Variants in HELZ observed in about 807,000 individuals in gnomAD.
HELZ encodes ATP-dependent RNA helicase with zinc finger domain.
Under a neutral mutation model 218.2 loss-of-function variants are expected in HELZ, and 23 were observed. The ratio of observed to expected loss-of-function variants is 0.11; its 90% CI spans 0.08 to 0.15. The LOEUF is 0.15. HELZ is among the 10% of genes least tolerant of loss of function. The probability of loss-of-function intolerance (pLI) is 1.00; values close to 1 mark genes in which losing one functional copy is unlikely to be tolerated. For missense variants in HELZ, 1,813 were observed against 2,353.7 expected (o/e 0.77, Z 4.75); for synonymous variants, 814 against 829.4 (o/e 0.98, Z 0.32).
At chr17:67,117,582 C>T (rs1295619199) in intron 27 of HELZ, among the ~76,000 whole-genome samples, 2 of 148,190 alleles carry the variant, frequency 1.3e-5, no homozygotes, top group Admixed American at 1.3e-4. Context: ...CAGAGTCTTG[C>T]TCTGTCACCC....
chr17:67,188,648 C>T lies in HELZ; in HGVS notation c.865-32G>A. The stretch of plus-strand genomic sequence containing the variant: ...GGAAGTTAAAATAATTCATTGAGTA[C>T]AAGGGGGTGAAAAATCCAATTGTAA... On this transcript the variant is annotated intron_variant, in intron 11 of 32. Transcript: ENST00000358691. The surrounding 1 kb of genome is among the most constrained non-coding windows in gnomAD (Gnocchi z 4.1). 2 of 1,559,302 alleles carry T rather than the reference C, an allele frequency of 1.3e-6. No individual in the cohort carries two copies. Among genetic ancestry groups the T allele is most frequent in the Non-Finnish European group, 1.7e-6 (2 of 1,145,584 alleles).
chr17:67,121,022 G>A (rs7214528), intron 26 of HELZ, among the ~76,000 whole-genome samples: 12,977 of 152,146 alleles, frequency 0.085, 1,804 homozygotes, highest in African/African-American at 0.29. Context: ...TAGACAGGGG[G>A]AAAAGTTAAG....
chr17:67,120,188 T>G (rs2037562805), intron 27 of HELZ, among the ~76,000 whole-genome samples: 1 of 151,598 alleles, frequency 6.6e-6, no homozygotes, highest in South Asian at 2.1e-4. Flanking sequence ...GTATTTTTAG[T>G]AGAGATGGGA....
chr17:67,102,820 G>C (rs2036971052), intron 31 of HELZ, among the ~76,000 whole-genome samples: 1 of 152,112 alleles, frequency 6.6e-6, no homozygotes, highest in African/African-American at 2.4e-5. Context: ...AAATAAAACT[G>C]ACCAAATGTT....
chr17:67,141,821 G>T (rs1207577269), intron 21 of HELZ, among the ~76,000 whole-genome samples: 2 of 152,106 alleles, frequency 1.3e-5, no homozygotes, highest in African/African-American at 4.8e-5. Flanking sequence ...AAGGTGGGTG[G>T]ATCACTTCAA....
intron 32 of HELZ, among the ~76,000 whole-genome samples, chr17:67,085,058 G>A (rs375265351): frequency 2.0e-4 from 30 of 152,104 alleles, no homozygotes; most frequent in South Asian, 6.3e-4. Flanking sequence ...AGTGAGCTGA[G>A]AATGCACCAC....
chr17:67,124,360 ATT>A (rs1015045927), intron 24 of HELZ, among the ~76,000 whole-genome samples: 7 of 152,148 alleles, frequency 4.6e-5, no homozygotes, highest in Non-Finnish European at 7.4e-5. Context: ...TTCTCTATAC[ATT>A]TTCTAACAAA....
chr17:67,244,790 T>C, intron 1 of HELZ: 1 of 985,092 alleles, frequency 1.0e-6, no homozygotes, highest in Non-Finnish European at 1.2e-6. Flanking sequence ...GAGGGGAACG[T>C]GCCGGGAGGC....
intron 31 of HELZ, 67 bp from the exon 32 acceptor site, chr17:67,087,148 T>C (rs962370651): frequency 2.1e-6 from 3 of 1,414,416 alleles, no homozygotes; most frequent in Non-Finnish European, 3.0e-6. Context: ...CTCTTTTCAC[T>C]CCATAGCAAT....
intron 31 of HELZ, among the ~76,000 whole-genome samples, chr17:67,105,324 C>T (rs529311165): frequency 6.6e-6 from 1 of 152,330 alleles, no homozygotes; most frequent in African/African-American, 2.4e-5. Flanking sequence ...CACCCAAGAA[C>T]TCCACTCCTA....
In HELZ at chr17:67,168,127, G is replaced by A. The variant is rs543241819; in HGVS notation, c.1431-331C>T. Among the ~76,000 whole-genome samples the A allele has an allele frequency of 5.5e-4, 84 of 152,064 alleles. 1 individual carries two copies. Among genetic ancestry groups the A allele is most frequent in the African/African-American group, 2.0e-3 (81 of 41,496 alleles). On this transcript the variant is annotated intron_variant, in intron 13 of 32. Coordinates refer to ENST00000358691, the MANE Select transcript of HELZ (RefSeq NM_014877.4). Reference sequence around the variant, plus strand: ...CTCCCGAGTAGCTGGGATTACAGATGCCCACCACGCCCGGCTAATTTTTGT... The same window carrying A: ...CTCCCGAGTAGCTGGGATTACAGATACCCACCACGCCCGGCTAATTTTTGT...
intron 31 of HELZ, among the ~76,000 whole-genome samples, chr17:67,094,574 T>C (rs1017630775): frequency 1.3e-5 from 2 of 152,208 alleles, no homozygotes; most frequent in Admixed American, 6.5e-5. Flanking sequence ...ATAAAAATTA[T>C]ATTTATACTA....
At chr17:67,093,465 TCA>T (rs962926515) in intron 31 of HELZ, among the ~76,000 whole-genome samples, 2 of 152,200 alleles carry the variant, frequency 1.3e-5, no homozygotes, top group African/African-American at 4.8e-5. Context: ...ATAGACAATT[TCA>T]CACAGTTGAA....
At chr17:67,180,238 C>G (rs1035414779) in intron 12 of HELZ, among the ~76,000 whole-genome samples, 1 of 151,988 alleles carries the variant, frequency 6.6e-6, no homozygotes, top group South Asian at 2.1e-4. Context: ...AACCCCATCA[C>G]GTTGGGAGGT....
intron 10 of HELZ, 22 bp from the exon 11 acceptor site, chr17:67,189,718 T>C (rs1434963858): frequency 2.7e-6 from 4 of 1,459,744 alleles, no homozygotes; most frequent in Non-Finnish European, 3.8e-6. Flanking sequence ...CAGCAATTTA[T>C]GTTATGTTTT....
At chr17:67,152,918 G>A (rs1007341148) in intron 17 of HELZ, among the ~76,000 whole-genome samples, 3 of 152,066 alleles carry the variant, frequency 2.0e-5, no homozygotes, top group African/African-American at 7.2e-5. Context: ...TGAAGCAAGT[G>A]TTTCAGATAG....
intron 7 of HELZ, among the ~76,000 whole-genome samples, chr17:67,197,854 T>C (rs2143054523): frequency 6.6e-6 from 1 of 152,304 alleles, no homozygotes; most frequent in Middle Eastern, 3.4e-3. Flanking sequence ...AAGCACTTAC[T>C]AAGGAGTTTT....
chr17:67,227,690 C>A (rs2040931554), intron 3 of HELZ, among the ~76,000 whole-genome samples: 2 of 152,114 alleles, frequency 1.3e-5, no homozygotes, highest in Non-Finnish European at 2.9e-5. Context: ...TGCATCATAG[C>A]TAGATGGTTG....
chr17:67,196,192 T>C (rs1188854835), intron 7 of HELZ, among the ~76,000 whole-genome samples: 1 of 152,012 alleles, frequency 6.6e-6, no homozygotes, highest in Non-Finnish European at 1.5e-5. Flanking sequence ...TGCTACCACT[T>C]TGGAGCCTGG....
Sources: gnomAD v4.1 joint callset for allele counts (sites outside exome capture counted in the v4.1 genomes callset) on GRCh38, gnomAD v4.1.1 for gene constraint, Gnocchi (gnomAD v3.1) non-coding constraint, MANE v1.5 for transcripts, NCBI Gene and HGNC (gene_info 2026-07-23, HGNC 2026-07-21) for gene names.